PRELID2: variants seen among roughly 807,000 people sequenced by gnomAD.
The protein encoded by PRELID2 is PRELI domain-containing protein 2.
Under a neutral mutation model 28.4 loss-of-function variants are expected in PRELID2, and 25 were observed. The observed-to-expected ratio is 0.88, with a 90% CI of 0.64 to 1.23. The LOEUF (loss-of-function observed/expected upper bound fraction) is 1.23. PRELID2 is among the 50% of genes most tolerant of loss of function. The pLI is 0.00. For synonymous variants in PRELID2, 76 were observed against 71.6 expected (o/e 1.06, Z -0.31); for missense variants, 201 against 214.4 (o/e 0.94, Z 0.39).
the PRELID2 span, among the ~76,000 whole-genome samples, chr5:145,344,157 C>T: frequency 6.6e-6 from 1 of 151,988 alleles, no homozygotes; most frequent in African/African-American, 2.4e-5. Flanking sequence ...ACTCATTCTA[C>T]AAGGCCAGCA....
chr5:145,526,868 T>C (rs1312803332), intron 1 of PRELID2, among the ~76,000 whole-genome samples: 1 of 152,210 alleles, frequency 6.6e-6, no homozygotes, highest in Non-Finnish European at 1.5e-5. Flanking sequence ...TCTTTACCCA[T>C]TTATTTGCAG....
the PRELID2 span, among the ~76,000 whole-genome samples, chr5:145,286,702 G>GTT: frequency 3.1e-5 from 3 of 96,678 alleles, no homozygotes; most frequent in East Asian, 2.8e-4. Flanking sequence ...AGAAGTTTTT[G>GTT]TTTTTTTTTG....
intron 1 of PRELID2, among the ~76,000 whole-genome samples, chr5:145,644,371 T>A (rs189036515): frequency 6.6e-6 from 1 of 152,198 alleles, no homozygotes; most frequent in Non-Finnish European, 1.5e-5. Context: ...CCCTTTATCA[T>A]TTTTTATTGC....
At chr5:145,600,855 T>G (rs1291689900) in intron 1 of PRELID2, among the ~76,000 whole-genome samples, 2 of 151,924 alleles carry the variant, frequency 1.3e-5, no homozygotes, top group Non-Finnish European at 1.5e-5. Flanking sequence ...AAATAAAATA[T>G]CAAAAAATAA....
chr5:145,478,314 G>A (rs1375190424), intron 1 of PRELID2, among the ~76,000 whole-genome samples: 1 of 152,106 alleles, frequency 6.6e-6, no homozygotes. Flanking sequence ...TTGGGAGGCA[G>A]AAGCGGGCAG....
intron 4 of PRELID2, among the ~76,000 whole-genome samples, chr5:145,810,437 C>T (rs1753849982): frequency 6.6e-6 from 1 of 152,278 alleles, no homozygotes; most frequent in East Asian, 1.9e-4. Flanking sequence ...CTTGCATTGA[C>T]CCTGAATACT....
the PRELID2 span, among the ~76,000 whole-genome samples, chr5:145,363,550 A>T: frequency 2.6e-5 from 4 of 152,086 alleles, no homozygotes; most frequent in Admixed American, 2.6e-4. Context: ...ATCATTTTAA[A>T]ATATTCCTTA....
At chr5:145,427,040 C>T in the PRELID2 span, among the ~76,000 whole-genome samples, 15 of 152,146 alleles carry the variant, frequency 9.9e-5, no homozygotes, top group South Asian at 2.1e-4. Flanking sequence ...AGGTACAGAA[C>T]GGATCTGACC....
intron 1 of PRELID2, among the ~76,000 whole-genome samples, chr5:145,677,334 T>C (rs1411381293): frequency 6.6e-6 from 1 of 152,034 alleles, no homozygotes; most frequent in East Asian, 1.9e-4. Flanking sequence ...TTTGTATTTT[T>C]AGTAGAGACA....
the PRELID2 span, among the ~76,000 whole-genome samples, chr5:145,316,624 A>G: frequency 6.6e-6 from 1 of 152,216 alleles, no homozygotes; most frequent in Non-Finnish European, 1.5e-5. Flanking sequence ...CACTGCCTGC[A>G]GTTTTTGCAA....
chr5:145,775,872 G>A (rs1001344198), intron 5 of PRELID2, among the ~76,000 whole-genome samples: 1 of 152,060 alleles, frequency 6.6e-6, no homozygotes, highest in Non-Finnish European at 1.5e-5. Flanking sequence ...AGGAAGTGAC[G>A]TTTGTGTTTT....
At chr5:145,294,799 C>T in the PRELID2 span, among the ~76,000 whole-genome samples, 14 of 152,226 alleles carry the variant, frequency 9.2e-5, no homozygotes, top group East Asian at 2.1e-3. Context: ...CCATATTTCC[C>T]TGAAGTTCTC....
At chr5:145,296,110 G>C in the PRELID2 span, among the ~76,000 whole-genome samples, 1 of 152,086 alleles carries the variant, frequency 6.6e-6, no homozygotes, top group South Asian at 2.1e-4. Flanking sequence ...GCTATGGCTT[G>C]ACTTCTTGTT....
intron 1 of PRELID2, among the ~76,000 whole-genome samples, chr5:145,637,189 T>G (rs1470970634): frequency 6.6e-6 from 1 of 152,166 alleles, no homozygotes; most frequent in Non-Finnish European, 1.5e-5. Flanking sequence ...ATAGTGATAA[T>G]ATTAACAACC....
chr5:145,748,209 AG>A (rs1444983954), intron 1 of PRELID2, among the ~76,000 whole-genome samples: 1 of 152,218 alleles, frequency 6.6e-6, no homozygotes, highest in Admixed American at 6.5e-5. Flanking sequence ...GAAGAGAGGA[AG>A]TCAAATTGTC....
chr5:145,779,273 A>G (rs2149792255), intron 5 of PRELID2, among the ~76,000 whole-genome samples: 1 of 152,350 alleles, frequency 6.6e-6, no homozygotes, highest in Non-Finnish European at 1.5e-5. Flanking sequence ...TAAAAAACAT[A>G]TTCAAAGGAT....
intron 4 of PRELID2, among the ~76,000 whole-genome samples, chr5:145,804,324 C>T (rs1292187322): frequency 6.6e-6 from 1 of 151,994 alleles, no homozygotes; most frequent in African/African-American, 2.4e-5. Flanking sequence ...GCCTGGCCAA[C>T]ATGATGAAAC....
intron 1 of PRELID2, among the ~76,000 whole-genome samples, chr5:145,826,572 T>C (rs546094207): frequency 5.3e-4 from 81 of 152,342 alleles, no homozygotes; most frequent in Middle Eastern, 3.4e-3. Flanking sequence ...CCCGAAGACA[T>C]GAAACTACTA....
At chr5:145,301,448 T>G in the PRELID2 span, among the ~76,000 whole-genome samples, 4 of 152,200 alleles carry the variant, frequency 2.6e-5, no homozygotes, top group Non-Finnish European at 4.4e-5. Context: ...TTTCTGCAAG[T>G]TTTTGACTTG....
Sources: allele counts gnomAD v4.1 joint callset (sites outside exome capture counted in the v4.1 genomes callset), GRCh38; gene constraint gnomAD v4.1.1; transcripts MANE v1.5; gene names NCBI Gene and HGNC (gene_info 2026-07-23, HGNC 2026-07-21).